Variants in NKAIN3 observed in about 807,000 individuals in gnomAD.
NKAIN3 encodes sodium/potassium transporting ATPase interacting 3, also known as sodium/potassium-transporting ATPase subunit beta-1-interacting protein 3.
Under a neutral mutation model 30.2 loss-of-function variants are expected in NKAIN3, and 25 were observed. The ratio of observed to expected loss-of-function variants is 0.83; its 90% CI spans 0.60 to 1.16. NKAIN3 has a LOEUF of 1.16. Among genes scored for constraint, NKAIN3 ranks in the 50% most tolerant of loss-of-function variants. The pLI, the probability that NKAIN3 is intolerant of heterozygous loss-of-function variation, is 0.00. For synonymous variants in NKAIN3, 91 were observed against 89.6 expected (o/e 1.02, Z -0.09); for missense variants, 225 against 254.1 (o/e 0.89, Z 0.78).
intron 4 of NKAIN3, among the ~76,000 whole-genome samples, chr8:62,873,880 C>A (rs2130805003): frequency 6.6e-6 from 1 of 151,996 alleles, no homozygotes; most frequent in African/African-American, 2.4e-5. Flanking sequence ...CATCAGAAAG[C>A]TAGAAAAATC....
intron 1 of NKAIN3, among the ~76,000 whole-genome samples, chr8:62,455,292 A>T (rs1805778803): frequency 6.6e-6 from 1 of 152,208 alleles, no homozygotes; most frequent in Admixed American, 6.5e-5. Flanking sequence ...GGTGGATTGG[A>T]TAAAGAAAGT....
chr8:62,311,954 T>C (rs1814452384), intron 1 of NKAIN3, among the ~76,000 whole-genome samples: 1 of 150,474 alleles, frequency 6.6e-6, no homozygotes, highest in Non-Finnish European at 1.5e-5. Flanking sequence ...AAAGGAAACT[T>C]TCAAAATACT....
At chr8:62,442,654 G>T (rs1279969901) in intron 1 of NKAIN3, among the ~76,000 whole-genome samples, 1 of 150,738 alleles carries the variant, frequency 6.6e-6, no homozygotes, top group East Asian at 1.9e-4. Context: ...TATTTTTTAT[G>T]TTTTTTATAA....
At chr8:62,623,264 C>A (rs1811676409) in intron 3 of NKAIN3, among the ~76,000 whole-genome samples, 1 of 151,916 alleles carries the variant, frequency 6.6e-6, no homozygotes. Flanking sequence ...TTTGACCAAC[C>A]AAGGAAAGAT....
At chr8:62,608,187 G>A (rs1199006578) in intron 3 of NKAIN3, among the ~76,000 whole-genome samples, 1 of 152,040 alleles carries the variant, frequency 6.6e-6, no homozygotes, top group Admixed American at 6.6e-5. Flanking sequence ...ATAAAGTGAT[G>A]GCAATTCTTG....
At chr8:62,871,417 A>AC in intron 4 of NKAIN3, among the ~76,000 whole-genome samples, 1 of 133,184 alleles carries the variant, frequency 7.5e-6, no homozygotes, top group Non-Finnish European at 1.6e-5. Context: ...AAAAAAAAAA[A>AC]ACAAAAACAA....
chr8:62,484,027 C>T (rs1380964027), intron 1 of NKAIN3, among the ~76,000 whole-genome samples: 1 of 152,202 alleles, frequency 6.6e-6, no homozygotes, highest in Non-Finnish European at 1.5e-5. Context: ...GACAGAGAAA[C>T]ACATGTTGAC....
At chr8:62,519,500 T>C (rs1311262888) in intron 1 of NKAIN3, among the ~76,000 whole-genome samples, 1 of 152,176 alleles carries the variant, frequency 6.6e-6, no homozygotes, top group Non-Finnish European at 1.5e-5. Flanking sequence ...ATTACACGTA[T>C]AGCATCTTCT....
chr8:62,684,522 G>C (rs1813736998), intron 3 of NKAIN3, among the ~76,000 whole-genome samples: 2 of 152,178 alleles, frequency 1.3e-5, no homozygotes, highest in African/African-American at 4.8e-5. Context: ...TGCTGAGACA[G>C]TACTTCTCTG....
At chr8:62,380,138 A>G (rs1015961461) in intron 1 of NKAIN3, among the ~76,000 whole-genome samples, 11 of 152,228 alleles carry the variant, frequency 7.2e-5, no homozygotes, top group Non-Finnish European at 1.5e-5. Context: ...TATTTGTTTG[A>G]AATAGCTTAG....
At chr8:62,562,919 GC>G (rs1809633059) in intron 1 of NKAIN3, among the ~76,000 whole-genome samples, 1 of 152,108 alleles carries the variant, frequency 6.6e-6, no homozygotes, top group East Asian at 1.9e-4. Context: ...GAAACTTTTG[GC>G]CCGTAACCCT....
intron 4 of NKAIN3, among the ~76,000 whole-genome samples, chr8:62,902,602 C>T (rs1821645940): frequency 6.6e-6 from 1 of 152,230 alleles, no homozygotes; most frequent in African/African-American, 2.4e-5. Context: ...AAACCACTCT[C>T]TATCCTCAAA....
intron 2 of NKAIN3, among the ~76,000 whole-genome samples, chr8:62,583,662 T>C (rs1235113386): frequency 6.6e-6 from 1 of 152,126 alleles, no homozygotes; most frequent in Non-Finnish European, 1.5e-5. Flanking sequence ...GATTGTTAGG[T>C]TCAAGGAGCT....
chr8:62,361,488 AAAAAGTT>A (rs1314734204), intron 1 of NKAIN3, among the ~76,000 whole-genome samples: 5 of 152,246 alleles, frequency 3.3e-5, no homozygotes, highest in Admixed American at 2.6e-4. Context: ...GAATGAAGTT[AAAAAGTT>A]AATTGTTTAT....
At chr8:62,468,936 A>G (rs887035924) in intron 1 of NKAIN3, among the ~76,000 whole-genome samples, 2 of 152,292 alleles carry the variant, frequency 1.3e-5, no homozygotes, top group East Asian at 3.9e-4. Flanking sequence ...GACATCTACT[A>G]GGTTGGATAT....
intron 6 of NKAIN3, among the ~76,000 whole-genome samples, chr8:62,960,315 A>G (rs986102263): frequency 6.6e-5 from 10 of 152,156 alleles, no homozygotes; most frequent in Non-Finnish European, 1.5e-4. Flanking sequence ...AAATTTGTGG[A>G]GCCTGATTCT....
rs73685418 is a variant in NKAIN3, at chr8:62,651,291, T to C, written c.273+61497T>C. Among the ~76,000 whole-genome samples the C allele has an allele frequency of 6.8e-3, 1,035 of 152,280 alleles. 6 individuals carry two copies. The highest frequency in any genetic ancestry group is 0.023 in the African/African-American group (970 of 41,566). On this transcript the variant is annotated intron_variant, in intron 3 of 6. Transcript: ENST00000623646. ...ATTTGCATGATAAAAAGGTGCCACA[T>C]TGTTCTTAGCACCTTATATTATTTG...
At chr8:62,254,696 T>G (rs1009539069) in intron 1 of NKAIN3, among the ~76,000 whole-genome samples, 1 of 152,220 alleles carries the variant, frequency 6.6e-6, no homozygotes, top group African/African-American at 2.4e-5. Context: ...GTCATACTTT[T>G]GTATTCTGTC....
intron 5 of NKAIN3, among the ~76,000 whole-genome samples, chr8:62,995,589 G>C (rs540549775): frequency 6.6e-6 from 1 of 152,270 alleles, no homozygotes; most frequent in South Asian, 2.1e-4. Context: ...AGAGATATGT[G>C]GTAGAAGGAA....
Sources: allele counts gnomAD v4.1 joint callset (sites outside exome capture counted in the v4.1 genomes callset), GRCh38; gene constraint gnomAD v4.1.1; transcripts MANE v1.5; gene names NCBI Gene and HGNC (gene_info 2026-07-23, HGNC 2026-07-21).